PPP2R5C: variants seen among roughly 807,000 people sequenced by gnomAD.
The protein encoded by PPP2R5C is protein phosphatase 2 regulatory subunit B'gamma.
In PPP2R5C, 7 loss-of-function variants were observed where a neutral mutation model predicts 68.9. That is an observed-to-expected ratio of 0.10 (90% confidence interval 0.06 to 0.19). PPP2R5C has a LOEUF of 0.19. PPP2R5C is among the 10% of genes least tolerant of loss of function. PPP2R5C has a pLI of 1.00. For synonymous variants in PPP2R5C, 210 were observed against 222.2 expected (o/e 0.95, Z 0.49); for missense variants, 348 against 641.3 (o/e 0.54, Z 4.94).
intron 13 of PPP2R5C, chr14:101,921,516 G>A (rs975053198): frequency 1.3e-5 from 2 of 150,742 alleles, no homozygotes; most frequent in Non-Finnish European, 3.0e-5. Flanking sequence ...AGCCAGACTC[G>A]GACTCTGAAA....
At chr14:101,785,858 A>T (rs553337157) in intron 2 of PPP2R5C, among the ~76,000 whole-genome samples, 160 bp from the exon 3 acceptor site, 1 of 152,270 alleles carries the variant, frequency 6.6e-6, no homozygotes, top group Non-Finnish European at 1.5e-5. Flanking sequence ...AAGGTGGGAC[A>T]TAAGCCCCAT....
upstream of PPP2R5C, among the ~76,000 whole-genome samples, chr14:101,807,477 C>T (rs886247834): frequency 6.6e-6 from 1 of 152,036 alleles, no homozygotes; most frequent in African/African-American, 2.4e-5. Flanking sequence ...AATACTTTTG[C>T]TAAGTACCTG....
intron 12 of PPP2R5C, among the ~76,000 whole-genome samples, chr14:101,914,955 C>G (rs1329692592): frequency 6.6e-6 from 1 of 152,214 alleles, no homozygotes; most frequent in African/African-American, 2.4e-5. Context: ...ACGACCAAAA[C>G]TGCCATGAGC....
At chr14:101,868,426 A>C (rs892629658) in intron 2 of PPP2R5C, among the ~76,000 whole-genome samples, 3 of 151,976 alleles carry the variant, frequency 2.0e-5, no homozygotes, top group Admixed American at 2.0e-4. Context: ...TTCCTACTTC[A>C]CCCCTCCCCA....
intron 2 of PPP2R5C, among the ~76,000 whole-genome samples, chr14:101,867,705 G>A (rs1197318762): frequency 6.6e-6 from 1 of 152,074 alleles, no homozygotes; most frequent in African/African-American, 2.4e-5. Context: ...TGGAACCCTG[G>A]AGGTGGAGGT....
At chr14:101,766,930 T>C (rs1370217871) in intron 2 of PPP2R5C, 2 of 152,248 alleles carry the variant, frequency 1.3e-5, no homozygotes, top group East Asian at 1.9e-4. Context: ...TAGGTGGGTG[T>C]TGTTTCTTTT....
chr14:101,851,506 G>C (rs2042152230), intron 1 of PPP2R5C, among the ~76,000 whole-genome samples: 1 of 152,194 alleles, frequency 6.6e-6, no homozygotes. Flanking sequence ...CTCTGTGTTT[G>C]AAACTTGGCT....
chr14:101,831,386 A>G (rs1048544660), intron 1 of PPP2R5C, among the ~76,000 whole-genome samples: 1 of 152,260 alleles, frequency 6.6e-6, no homozygotes, highest in African/African-American at 2.4e-5. Flanking sequence ...GAAACAAAAT[A>G]ACTAGAAGCC....
At chr14:101,862,399 G>T (rs1417331389) in intron 2 of PPP2R5C, among the ~76,000 whole-genome samples, 1 of 152,166 alleles carries the variant, frequency 6.6e-6, no homozygotes, top group African/African-American at 2.4e-5. Context: ...CAAATGACCG[G>T]TAAAGGTTAC....
chr14:101,927,611 G>T (rs1248854871), exon 14 of PPP2R5C: 1 of 152,558 alleles, frequency 6.6e-6, no homozygotes, highest in Non-Finnish European at 1.5e-5. Flanking sequence ...TGTGGCTTTA[G>T]TATGGCTTCC....
At chr14:101,850,856 C>T (rs948835510) in intron 1 of PPP2R5C, among the ~76,000 whole-genome samples, 1 of 152,184 alleles carries the variant, frequency 6.6e-6, no homozygotes, top group African/African-American at 2.4e-5. Context: ...GGAAACTCAT[C>T]CTCTGCTAAG....
intron 2 of PPP2R5C, among the ~76,000 whole-genome samples, chr14:101,864,497 G>C (rs1048266384): frequency 6.6e-6 from 1 of 152,208 alleles, no homozygotes; most frequent in African/African-American, 2.4e-5. Flanking sequence ...GGCAGCAGAC[G>C]TAATGATACG....
At chr14:101,868,590 T>G (rs2043218191) in intron 2 of PPP2R5C, among the ~76,000 whole-genome samples, 1 of 152,206 alleles carries the variant, frequency 6.6e-6, no homozygotes, top group Admixed American at 6.5e-5. Context: ...ATTTTACACT[T>G]TAAATATGTA....
intron 1 of PPP2R5C, among the ~76,000 whole-genome samples, chr14:101,829,680 C>T (rs1052473695): frequency 5.9e-5 from 9 of 152,062 alleles, no homozygotes; most frequent in South Asian, 4.2e-4. Context: ...TGTGTTTGGT[C>T]GGTGTTTAGA....
At chr14:101,905,103 C>G (rs373562499) in intron 9 of PPP2R5C, among the ~76,000 whole-genome samples, 28 of 152,374 alleles carry the variant, frequency 1.8e-4, no homozygotes, top group African/African-American at 6.3e-4. Flanking sequence ...CCTGTAGTCC[C>G]AGCACTTTGG....
chr14:101,890,044 C>T, intron 5 of PPP2R5C, 193 bp from the exon 8 acceptor site: 1 of 685,960 alleles, frequency 1.5e-6, no homozygotes, highest in Non-Finnish European at 2.7e-6. Flanking sequence ...AAGTTCTCTG[C>T]CCTCGAGGCA....
chr14:101,834,727 G>A (rs1451862527), intron 1 of PPP2R5C, among the ~76,000 whole-genome samples: 1 of 152,188 alleles, frequency 6.6e-6, no homozygotes. Flanking sequence ...TCTGGATGGG[G>A]ATGAGAGGAG....
chr14:101,784,250 A>G (rs2037979365), intron 2 of PPP2R5C, among the ~76,000 whole-genome samples: 1 of 152,090 alleles, frequency 6.6e-6, no homozygotes, highest in Admixed American at 6.5e-5. Context: ...GAACAAATTA[A>G]TGTCTGGGGC....
chr14:101,916,226 G>A lies in PPP2R5C; in HGVS notation c.1327-1605G>A, dbSNP rs2046662997. ...TGTGGAGATGTGTGGAGATCGTGGT[G>A]CTGGGCGGAGCTGTGGGAGTGAAGG... On this transcript the variant is annotated intron_variant, in intron 12 of 13. Transcript: ENST00000334743. This position sits in a 1 kb window ranked among gnomAD's most constrained non-coding sequence, Gnocchi z 5.5. Among the ~76,000 whole-genome samples, 1 of 152,158 alleles carries A rather than the reference G, an allele frequency of 6.6e-6. No homozygotes were observed. Among genetic ancestry groups the A allele is most frequent in the Admixed American group, 6.5e-5 (1 of 15,272 alleles).
Sources: gnomAD v4.1 joint callset for allele counts (sites outside exome capture counted in the v4.1 genomes callset) on GRCh38, gnomAD v4.1.1 for gene constraint, Gnocchi (gnomAD v3.1) non-coding constraint, MANE v1.5 for transcripts, NCBI Gene and HGNC (gene_info 2026-07-23, HGNC 2026-07-21) for gene names.